Variants in KDM5B observed in about 807,000 individuals in gnomAD.
KDM5B encodes the protein lysine-specific demethylase 5B.
A neutral mutation model predicts 193.4 loss-of-function variants in KDM5B; 144 were observed. That is an observed-to-expected ratio of 0.74 (90% CI 0.65 to 0.86). The LOEUF (loss-of-function observed/expected upper bound fraction) is 0.86. Among genes scored for constraint, KDM5B ranks in the 40% least tolerant of loss-of-function variants. The pLI, the probability that KDM5B is intolerant of heterozygous loss-of-function variation, is 0.00. For missense variants in KDM5B, 1,833 were observed against 1,886.9 expected, an observed-to-expected ratio of 0.97 and a Z score of 0.53; for synonymous variants, 668 against 682.6, an observed-to-expected ratio of 0.98 and a Z score of 0.33.
At chr1:202,739,441 C>CTT (rs58981694) in intron 20 of KDM5B, among the ~76,000 whole-genome samples, 6 of 144,156 alleles carry the variant, frequency 4.2e-5, no homozygotes, top group African/African-American at 1.3e-4. Context: ...CAATATTGCT[C>CTT]TTTTTTTTTT....
rs936110863 is a variant in KDM5B at position 202,766,936 on chromosome 1, A to C, written c.701T>G (p.Met234Arg). 3 of 1,580,078 alleles carry C rather than the reference A, an allele frequency of 1.9e-6. No homozygotes were observed. The highest frequency in any genetic ancestry group is 2.6e-6 in the Non-Finnish European group (3 of 1,171,724). ...TCPPARRAKR[M>R]RAEAMNIKIE... ...TCATGAGGCTCTTACCTCTGCTCTCATGCGTTTTGCTCGTCGGGCTGGGGG... is the reference window on the plus strand; with the variant it reads ...TCATGAGGCTCTTACCTCTGCTCTCCTGCGTTTTGCTCGTCGGGCTGGGGG... Residue 234 changes from methionine to arginine, a missense_variant, in exon 5 of 27, where the codon ATG becomes AGG. By Grantham distance (91) the Met-to-Arg change is moderately conservative. Around this residue, in one of 3 missense-constraint regions of KDM5B, gnomAD observed 355 missense variants for 374.9 expected, o/e 0.95. Coordinates refer to ENST00000367265, the MANE Select transcript of KDM5B (RefSeq NM_006618.5).
chr1:202,777,322 C>T (rs1322234874), intron 1 of KDM5B, among the ~76,000 whole-genome samples: 1 of 144,810 alleles, frequency 6.9e-6, no homozygotes, highest in African/African-American at 2.5e-5. Context: ...CCCCACAAAC[C>T]TTCCCACTGA....
chr1:202,737,523 A>G (rs1655139772), intron 20 of KDM5B, among the ~76,000 whole-genome samples: 3 of 152,260 alleles, frequency 2.0e-5, no homozygotes, highest in Admixed American at 1.3e-4. Flanking sequence ...TAGCATCACT[A>G]ATGGTAGGTC....
chr1:202,797,743 T>C (rs1342729421), intron 1 of KDM5B, among the ~76,000 whole-genome samples: 10 of 152,228 alleles, frequency 6.6e-5, no homozygotes, highest in Non-Finnish European at 8.8e-5. Context: ...TTAGGGGAAA[T>C]TTAAATCACT....
Position 202,725,297 on chromosome 1 carries a change from T to C in KDM5B, c.*3739A>G, listed in dbSNP as rs1654636452. 1 of 152,250 alleles carries C rather than the reference T, an allele frequency of 6.6e-6. No homozygotes were observed. The highest frequency in any genetic ancestry group is 6.5e-5 in the Admixed American group (1 of 15,288). 9.4% of individuals were successfully genotyped at this position (152,250 alleles called of 1,614,324 possible). On this transcript the variant is annotated 3_prime_UTR_variant, in exon 27 of 27. Transcript: ENST00000367265. ...AAATTTGAAGGGAGAAGTGAAAATATACACTTTACAAATTGATTCTTTACA... is the reference window on the plus strand; with the variant it reads ...AAATTTGAAGGGAGAAGTGAAAATACACACTTTACAAATTGATTCTTTACA...
chr1:202,789,149 C>CA (rs1331998714), intron 1 of KDM5B, among the ~76,000 whole-genome samples: 2 of 152,026 alleles, frequency 1.3e-5, no homozygotes, highest in Non-Finnish European at 2.9e-5. Flanking sequence ...GTTTGAGCCT[C>CA]AAAAAATACT....
chr1:202,789,480 T>C (rs1201419260), intron 1 of KDM5B, among the ~76,000 whole-genome samples: 1 of 123,558 alleles, frequency 8.1e-6, no homozygotes, highest in Non-Finnish European at 1.7e-5. Context: ...CCGAGACAAG[T>C]GAACTGAGAT....
At chr1:202,803,198 TTTA>T (rs932426615) in intron 1 of KDM5B, among the ~76,000 whole-genome samples, 8 of 152,082 alleles carry the variant, frequency 5.3e-5, no homozygotes, top group Admixed American at 5.2e-4. Context: ...ATAGAGAATG[TTTA>T]TTAATGTTTT....
chr1:202,733,260 T>C, intron 23 of KDM5B, 141 bp downstream of exon 23: 1 of 824,800 alleles, frequency 1.2e-6, no homozygotes, highest in Non-Finnish European at 1.9e-6. Flanking sequence ...GGTCTTGAAG[T>C]GGGAAGCTAC....
rs774429689 is a variant in KDM5B, at chr1:202,731,903, G to T, written c.3946C>A (p.Pro1316Thr). ...QPPGTTSFSL[P>T]DDWDNRTSYL... ...GAGGTTCTGTTGTCCCAGTCATCAG[G>T]CAAAGAAAATGATGTTGTGCCAGGA... is the stretch of plus-strand genomic sequence containing the variant. Residue 1316 changes from proline to threonine, a missense_variant, in exon 24 of 27, where the codon CCT (proline) becomes ACT (threonine). Pro to Thr is a conservative substitution (Grantham distance 38). Coordinates refer to ENST00000367265, the MANE Select transcript of KDM5B (RefSeq NM_006618.5). The T allele has an allele frequency of 1.2e-6, 2 of 1,613,232 alleles. No individual in the cohort carries two copies. Among genetic ancestry groups the T allele is most frequent in the South Asian group, 2.2e-5 (2 of 90,932 alleles).
chr1:202,806,889 TC>T (rs773261084), intron 1 of KDM5B: 382 of 152,312 alleles, frequency 2.5e-3, no homozygotes, highest in Non-Finnish European at 4.5e-3. Context: ...TTCCCAACGG[TC>T]CCAGCCCGTC....
Position 202,754,351 on chromosome 1 carries a change from T to G in KDM5B, c.1538+920A>C, listed in dbSNP as rs530950277. On this transcript the variant is annotated intron_variant, in intron 11 of 26. Coordinates refer to ENST00000367265, the MANE Select transcript of KDM5B (RefSeq NM_006618.5). ...TGAGTGAGTTACAGATTTTCAAATA[T>G]TTTTATATTTAGAAGAAAAATAGAG... is the stretch of plus-strand genomic sequence containing the variant. 2.6e-5 allele frequency among the ~76,000 whole-genome samples: 4 copies of G among 152,298 alleles called. No individual in the cohort carries two copies. In the South Asian group the frequency reaches 8.3e-4, roughly 32 times the overall value.
chr1:202,752,445 A>T (rs1655825902), intron 12 of KDM5B, among the ~76,000 whole-genome samples: 1 of 150,862 alleles, frequency 6.6e-6, no homozygotes, highest in Non-Finnish European at 1.5e-5. Flanking sequence ...AGGTTTGTGT[A>T]AGTACACTCC....
chr1:202,729,072 C>T lies in KDM5B; in HGVS notation c.4599G>A (p.Val1533=). 1.2e-6 allele frequency: 2 copies of T among 1,614,074 alleles called. No individual in the cohort carries two copies. The highest frequency in any genetic ancestry group is 1.3e-5 in the African/African-American group (1 of 75,012). ...TTGGTGCGTCCTTCACAGTACAGCG[C>T]ACACAGATGTAGTCTTCTTTCTCTG... ...EMAEKEDYIC[V]RCTVKDAPSR... is the part of the protein sequence containing the mutation. The change falls in exon 27 of 27, where the codon GTG becomes GTA. Residue 1533 remains valine, a synonymous_variant. Transcript: ENST00000367265.
At chr1:202,735,685 T>A (rs1572707496) in intron 21 of KDM5B, 98 bp from the exon 22 acceptor site, 4 of 1,134,838 alleles carry the variant, frequency 3.5e-6, no homozygotes, top group Non-Finnish European at 5.1e-6. Context: ...AAAAAGGATG[T>A]GCATTTCTTA....
intron 22 of KDM5B, among the ~76,000 whole-genome samples, chr1:202,734,614 C>T (rs1032960256): frequency 3.3e-5 from 5 of 152,216 alleles, no homozygotes; most frequent in African/African-American, 1.2e-4. Flanking sequence ...GAGAGGGGGA[C>T]TGTAACTTTC....
rs369819638 is a variant in KDM5B at position 202,733,601 on chromosome 1, C to T, written c.3709G>A (p.Ala1237Thr). The change falls in exon 23 of 27, where the codon GCC (alanine) becomes ACC (threonine). Residue 1237 changes from alanine to threonine, a missense_variant. Transcript: ENST00000367265. ...CGAACTCGGATACGCTGAAGGGAGGCGAGCAGGGGCAGAATTTTCTCTAAT... is the reference window on the plus strand; with the variant it reads ...CGAACTCGGATACGCTGAAGGGAGGTGAGCAGGGGCAGAATTTTCTCTAAT... ...PPLEKILPLL[A>T]SLQRIRVRLP... 22 of 1,613,974 alleles carry T rather than the reference C, an allele frequency of 1.4e-5. No individual in the cohort carries two copies. The highest frequency in any genetic ancestry group is 3.3e-5 in the South Asian group (3 of 91,082).
At chr1:202,795,162 C>T (rs969253142) in intron 1 of KDM5B, among the ~76,000 whole-genome samples, 1 of 151,638 alleles carries the variant, frequency 6.6e-6, no homozygotes, top group Non-Finnish European at 1.5e-5. Context: ...TGCAGTGAGC[C>T]GAGACACACT....
Position 202,746,223 on chromosome 1 carries a change from CA to C in KDM5B, c.2116del (p.Cys706ValfsTer14). ...AACAAGAAGGCCAGGTTTACAAGAA[CA>C]GGAGATGGCAGACATGAAGCATGTA... Reference protein sequence around the residue: ...KTTCFMSAISCSCKPGLLVCL... With the variant: ...KTTCFMSAISXSCKPGLLVCL... On this transcript the variant is annotated frameshift_variant, in exon 15 of 27. Coordinates refer to ENST00000367265, the MANE Select transcript of KDM5B (RefSeq NM_006618.5). LOFTEE classifies it high-confidence loss of function. 1 of 1,613,690 alleles carries C rather than the reference CA, an allele frequency of 6.2e-7. No individual in the cohort carries two copies. Among genetic ancestry groups the C allele is most frequent in the Non-Finnish European group, 8.5e-7 (1 of 1,179,700 alleles).
Sources: gnomAD v4.1 joint callset for allele counts (sites outside exome capture counted in the v4.1 genomes callset) on GRCh38, gnomAD v4.1.1 for gene constraint, gnomAD v4.1.1 regional missense constraint, MANE v1.5 for transcripts, NCBI Gene and HGNC (gene_info 2026-07-23, HGNC 2026-07-21) for gene names.